Variants in LRRC36 observed in about 807,000 individuals in gnomAD.
LRRC36 encodes leucine rich repeat containing 36.
LRRC36 carries 62 observed loss-of-function variants against 81.1 expected under a neutral mutation model. That is an observed-to-expected ratio of 0.76 (90% confidence interval 0.62 to 0.94). The LOEUF is 0.94. LRRC36 is among the 40% of genes least tolerant of loss of function. The pLI is 0.00. For missense variants in LRRC36, 761 were observed against 881.7 expected (o/e 0.86, Z 1.73); for synonymous variants, 334 against 348.6 (o/e 0.96, Z 0.47).
chr16:67,363,737 G>A, intron 6 of LRRC36, 23 bp downstream of exon 6: 7 of 1,611,094 alleles, frequency 4.3e-6, no homozygotes, highest in Non-Finnish European at 5.9e-6. Flanking sequence ...CTCTCCTGCT[G>A]ATCTGTTGAC....
At chr16:67,352,615 C>T (rs954333836) in intron 5 of LRRC36, among the ~76,000 whole-genome samples, 7 of 151,258 alleles carry the variant, frequency 4.6e-5, no homozygotes, top group Admixed American at 2.6e-4. Flanking sequence ...ATCTATTTTA[C>T]GGCCTTATTT....
intron 5 of LRRC36, among the ~76,000 whole-genome samples, chr16:67,363,260 CG>C (rs1346740883): frequency 1.3e-5 from 2 of 152,156 alleles, no homozygotes; most frequent in Non-Finnish European, 2.9e-5. Flanking sequence ...ATTATTTATT[CG>C]CTTAGGAAAT....
chr16:67,359,543 G>A (rs1437173389), intron 5 of LRRC36, among the ~76,000 whole-genome samples: 1 of 152,176 alleles, frequency 6.6e-6, no homozygotes, highest in Non-Finnish European at 1.5e-5. Context: ...TCTAGAATTA[G>A]ATAGTGGTGA....
rs879110285 is a variant in LRRC36, at chr16:67,384,981, A to G, written c.2157A>G (p.Ser719=). The G allele has an allele frequency of 5.0e-6, 8 of 1,614,122 alleles. No homozygotes were observed. The highest frequency in any genetic ancestry group is 6.8e-6 in the Non-Finnish European group (8 of 1,180,050). The change falls in exon 14 of 14, where the codon TCA becomes TCG. Residue 719 remains serine, a synonymous_variant. Transcript: ENST00000329956. ...PPEKGHHLGR[S]SPFGKSTLSS... is the part of the protein sequence containing the mutation. ...AGAAGGGTCATCATCTGGGGAGATC[A>G]TCGCCCTTTGGGAAAAGCACGTTGT...
chr16:67,376,111 C>T (rs541405990), intron 10 of LRRC36, among the ~76,000 whole-genome samples: 1 of 152,162 alleles, frequency 6.6e-6, no homozygotes, highest in Non-Finnish European at 1.5e-5. Context: ...AGTTCGACAC[C>T]AGCCTGGCCA....
chr16:67,344,252 G>A (rs1289629527), intron 2 of LRRC36, among the ~76,000 whole-genome samples: 1 of 152,132 alleles, frequency 6.6e-6, no homozygotes, highest in East Asian at 1.9e-4. Flanking sequence ...AAAAGTGAGA[G>A]GATAAGAGTT....
At chr16:67,335,984 G>A (rs866364220) in intron 1 of LRRC36, among the ~76,000 whole-genome samples, 5 of 152,104 alleles carry the variant, frequency 3.3e-5, no homozygotes, top group South Asian at 2.1e-4. Context: ...CGCCCGTCTC[G>A]GTCTCCCAAA....
At chr16:67,356,286 A>G (rs1269694723) in intron 5 of LRRC36, among the ~76,000 whole-genome samples, 1 of 152,134 alleles carries the variant, frequency 6.6e-6, no homozygotes, top group Non-Finnish European at 1.5e-5. Context: ...AATCCATCCC[A>G]CTTCAACATG....
At chr16:67,347,713 C>G (rs2038420465) in intron 4 of LRRC36, 122 bp downstream of exon 4, 1 of 689,692 alleles carries the variant, frequency 1.4e-6, no homozygotes, top group Admixed American at 2.9e-5. Context: ...ATCCTCAGAT[C>G]AGGAATAAAA....
intron 1 of LRRC36, among the ~76,000 whole-genome samples, chr16:67,338,865 ATTTTTTTTTTTTTTTTTTT>A (rs71145967): frequency 2.0e-3 from 92 of 45,390 alleles, no homozygotes; most frequent in East Asian, 5.9e-3. Context: ...TGGAAGCTGA[ATTTTTTTTTTTTTTTTTTT>A]TTTTTTTTTT....
intron 1 of LRRC36, among the ~76,000 whole-genome samples, chr16:67,338,560 AAAC>A (rs567910675): frequency 7.2e-5 from 11 of 152,210 alleles, no homozygotes; most frequent in Non-Finnish European, 1.3e-4. Context: ...GTGGAATCTG[AAAC>A]AACATCAATG....
chr16:67,341,677 G>T (rs570965709), intron 1 of LRRC36, among the ~76,000 whole-genome samples: 1 of 151,930 alleles, frequency 6.6e-6, no homozygotes, highest in African/African-American at 2.4e-5. Flanking sequence ...CTAGCAGTGG[G>T]GTTGCTGAAT....
At chr16:67,339,177 G>A (rs1281983757) in intron 1 of LRRC36, among the ~76,000 whole-genome samples, 1 of 150,020 alleles carries the variant, frequency 6.7e-6, no homozygotes, top group Non-Finnish European at 1.5e-5. Context: ...TTACAGACAT[G>A]AGCCACTGCA....
chr16:67,327,147 C>T (rs1009550654), intron 1 of LRRC36: 12 of 457,864 alleles, frequency 2.6e-5, no homozygotes, highest in African/African-American at 2.1e-4. Flanking sequence ...GGGCAGAGCC[C>T]GAGGAATTGA....
chr16:67,332,229 A>T (rs1016010273), intron 1 of LRRC36, among the ~76,000 whole-genome samples: 1 of 151,968 alleles, frequency 6.6e-6, no homozygotes, highest in Non-Finnish European at 1.5e-5. Flanking sequence ...GCAGTGTTTG[A>T]TTTGTTCTCT....
chr16:67,355,132 GTACCACAGTTTATT>G (rs2038836888), intron 5 of LRRC36, among the ~76,000 whole-genome samples: 1 of 152,078 alleles, frequency 6.6e-6, no homozygotes, highest in African/African-American at 2.4e-5. Context: ...TTGTCTGGAT[GTACCACAGTTTATT>G]TATCCACTCA....
rs572996682 is a variant in LRRC36 at position 67,333,081 on chromosome 16, G to C, written c.70+6149G>C. On this transcript the variant is annotated intron_variant, in intron 1 of 13. Coordinates refer to ENST00000329956, the MANE Select transcript of LRRC36 (RefSeq NM_018296.6). ...TAATTTTTTCTTTTTTTGTAGAGAT[G>C]GGTGCATTTTAAAAAGATATAATTC... Among the ~76,000 whole-genome samples, 443 of 151,630 alleles carry C rather than the reference G, an allele frequency of 2.9e-3. 1 individual carries two copies. The highest frequency in any genetic ancestry group is 5.1e-3 in the Non-Finnish European group (344 of 67,890).
chr16:67,363,859 G>A, intron 6 of LRRC36, 145 bp downstream of exon 6: 1 of 752,982 alleles, frequency 1.3e-6, no homozygotes, highest in Non-Finnish European at 2.1e-6. Context: ...GGGCAGGACA[G>A]AATGCAGAGT....
Position 67,350,248 on chromosome 16 carries a change from G to A in LRRC36, c.535G>A (p.Ala179Thr). Residue 179 changes from alanine (A) to threonine (T), a missense_variant, in exon 5 of 14, where the codon GCA (alanine) becomes ACA (threonine). This residue lies in a region of LRRC36 where 263 missense variants were observed against 279.3 expected (regional missense o/e 0.94). Coordinates refer to ENST00000329956, the MANE Select transcript of LRRC36 (RefSeq NM_018296.6). Reference protein sequence around the residue: ...MKNCVTGESSASKVSANVDSR... With the variant: ...MKNCVTGESSTSKVSANVDSR... ...AAACTGTGTAACAGGTGAGAGCTCT[G>A]CATCAAAAGTCAGTGCTAATGTTGA... The A allele has an allele frequency of 1.2e-6, 2 of 1,613,010 alleles. No homozygotes were observed. Among genetic ancestry groups the A allele is most frequent in the Non-Finnish European group, 1.7e-6 (2 of 1,179,780 alleles).
Sources: allele counts gnomAD v4.1 joint callset (sites outside exome capture counted in the v4.1 genomes callset), GRCh38; gene constraint gnomAD v4.1.1; regional missense constraint gnomAD v4.1.1; transcripts MANE v1.5; gene names NCBI Gene and HGNC (gene_info 2026-07-23, HGNC 2026-07-21).